The following AKAP9 variants were observed in gnomAD, a reference collection of about 807,000 sequenced individuals.
The protein encoded by AKAP9 is A-kinase anchor protein 9.
In AKAP9, 311 loss-of-function variants were observed where a neutral mutation model predicts 488.5. That is an observed-to-expected ratio of 0.64 (90% CI 0.58 to 0.70). The LOEUF (loss-of-function observed/expected upper bound fraction) is 0.70, where lower values mean the gene tolerates loss of function less well. Among genes scored for constraint, AKAP9 ranks in the 30% least tolerant of loss-of-function variants. The probability of loss-of-function intolerance (pLI) is 0.00; values close to 1 mark genes in which losing one functional copy is unlikely to be tolerated. For missense variants in AKAP9, 4,215 were observed against 4,374.5 expected (o/e 0.96, Z 1.03); for synonymous variants, 1,462 against 1,483.5 (o/e 0.99, Z 0.33).
chr7:92,095,878 A>G (rs911112618), intron 40 of AKAP9, among the ~76,000 whole-genome samples: 1 of 152,190 alleles, frequency 6.6e-6, no homozygotes, highest in African/African-American at 2.4e-5. Context: ...CTAGGTACCA[A>G]TTATAGTTTT....
chr7:92,062,026 A>G (rs1266854388), intron 23 of AKAP9, among the ~76,000 whole-genome samples: 1 of 152,208 alleles, frequency 6.6e-6, no homozygotes, highest in Non-Finnish European at 1.5e-5. Context: ...TTGGTATAGC[A>G]AAGTATTAGA....
At chr7:92,065,128 C>A in intron 24 of AKAP9, 103 bp from the exon 25 acceptor site, 1 of 659,370 alleles carries the variant, frequency 1.5e-6, no homozygotes. Context: ...AAATAATTCT[C>A]AGCCTTTCAT....
chr7:91,946,096 TG>T (rs1791421671), intron 1 of AKAP9, among the ~76,000 whole-genome samples: 1 of 152,200 alleles, frequency 6.6e-6, no homozygotes, highest in Admixed American at 6.5e-5. Context: ...AAAAAAAGGA[TG>T]GTGCTCCATG....
Position 92,012,511 on chromosome 7 carries a change from A to G in AKAP9, c.3401A>G (p.Tyr1134Cys), listed in dbSNP as rs761159568. Reference protein sequence around the residue: ...YSTHVDQVREYMENEKDKALC... With the variant: ...YSTHVDQVRECMENEKDKALC... ...ACTCATGTGGATCAGGTTCGTGAAT[A>G]TATGGAAAATGAAAAAGATAAAGCT... Residue 1134 changes from tyrosine to cysteine, a missense_variant, in exon 9 of 50, where the codon TAT becomes TGT. Transcript: ENST00000356239. 50 of 1,613,986 alleles carry G rather than the reference A, an allele frequency of 3.1e-5. No homozygotes were observed. Among genetic ancestry groups the G allele is most frequent in the South Asian group, 1.6e-4 (15 of 91,086 alleles).
chr7:91,946,765 A>T (rs776971732), intron 1 of AKAP9, among the ~76,000 whole-genome samples: 6 of 152,214 alleles, frequency 3.9e-5, no homozygotes, highest in Non-Finnish European at 7.4e-5. Flanking sequence ...TGAAAGTTGA[A>T]TGATAGCTCA....
At position 91,975,920 on chromosome 7, in the gene AKAP9, TG is replaced by T. The variant is rs1447026838; in HGVS notation, c.306+1953del. 2.0e-4 allele frequency among the ~76,000 whole-genome samples: 26 copies of T among 131,632 alleles called. 1 individual carries two copies. The highest frequency in any genetic ancestry group is 7.3e-4 in the South Asian group (3 of 4,128). The allele number at this position is 131,632 out of a possible 152,430, so 86.4% of individuals were successfully genotyped here. A position where few individuals can be genotyped will look rare whatever the true frequency, so the allele number is the denominator to read the frequency against. On this transcript the variant is annotated intron_variant, in intron 2 of 49. Coordinates refer to ENST00000356239, the MANE Select transcript of AKAP9 (RefSeq NM_005751.5). ...TTTATTGGTTTGTTTTTTGTTTGTT[TG>T]TTTGTTTTTTTTTTTTTTGAGACAA...
At chr7:91,981,644 C>G (rs921658311) in intron 3 of AKAP9, among the ~76,000 whole-genome samples, 2 of 129,654 alleles carry the variant, frequency 1.5e-5, no homozygotes, top group Non-Finnish European at 1.6e-5. Context: ...GAGTCTCACT[C>G]TGTTGCCCAG....
chr7:91,995,006 T>C (rs1798212786), intron 6 of AKAP9, among the ~76,000 whole-genome samples: 1 of 152,206 alleles, frequency 6.6e-6, no homozygotes, highest in Non-Finnish European at 1.5e-5. Context: ...TTTTGAAATC[T>C]TACAAATTGT....
Position 91,992,227 on chromosome 7 carries a change from C to G in AKAP9, c.405+16C>G, listed in dbSNP as rs1240937712. The G allele has an allele frequency of 1.0e-5, 16 of 1,573,356 alleles. No homozygotes were observed. The highest frequency in any genetic ancestry group is 1.4e-5 in the African/African-American group (1 of 74,070). ...TTTATTAAGGGTACAGTATTTAAAA[C>G]TACTTGTGATACTAATGTTGGATAC... On this transcript the variant is annotated intron_variant, in intron 4 of 49. Transcript: ENST00000356239.
intron 1 of AKAP9, among the ~76,000 whole-genome samples, chr7:91,959,482 CT>C (rs1562896955): frequency 6.6e-6 from 1 of 150,994 alleles, no homozygotes; most frequent in Non-Finnish European, 1.5e-5. Flanking sequence ...AAAAAATTTA[CT>C]TTTTTAAGAG....
chr7:91,969,071 T>A (rs1209155987), intron 1 of AKAP9, among the ~76,000 whole-genome samples: 1 of 151,844 alleles, frequency 6.6e-6, no homozygotes, highest in East Asian at 1.9e-4. Context: ...GAGACCAACC[T>A]GGGCAACAAA....
intron 45 of AKAP9, among the ~76,000 whole-genome samples, chr7:92,101,680 A>T (rs1241513973): frequency 6.6e-6 from 1 of 152,214 alleles, no homozygotes; most frequent in Non-Finnish European, 1.5e-5. Flanking sequence ...TACTATTGTC[A>T]ATGTAAGAAC....
At chr7:92,065,557 G>T in intron 25 of AKAP9, 94 bp downstream of exon 25, 1 of 916,940 alleles carries the variant, frequency 1.1e-6, no homozygotes. Flanking sequence ...AAAGACTGTT[G>T]AGTTAGTTTT....
chr7:92,080,609 A>AG (rs931374306), intron 31 of AKAP9, among the ~76,000 whole-genome samples: 3 of 151,280 alleles, frequency 2.0e-5, no homozygotes, highest in African/African-American at 7.4e-5. Context: ...CAAAAAAAAA[A>AG]AAGAAGAAGA....
intron 49 of AKAP9, 94 bp from the exon 50 acceptor site, chr7:92,110,028 A>T: frequency 1.0e-6 from 1 of 956,364 alleles, no homozygotes; most frequent in Non-Finnish European, 1.7e-6. Context: ...AAAATGGAGA[A>T]TAATAATAAT....
Position 92,081,491 on chromosome 7 carries a change from A to AT in AKAP9, c.8020-1030dup, listed in dbSNP as rs1461709427. On this transcript the variant is annotated intron_variant, in intron 31 of 49. Transcript: ENST00000356239. ...GGCTAATTTATATATATATATATAT[A>AT]TATATATTTTTTTTTTTTTAGTAGA... 2.2e-3 allele frequency among the ~76,000 whole-genome samples: 257 copies of AT among 118,168 alleles called. 1 individual carries two copies. The highest frequency in any genetic ancestry group is 7.1e-3 in the African/African-American group (195 of 27,606). The allele number at this position is 118,168 out of a possible 152,430, so 77.5% of individuals were successfully genotyped here. A position where few individuals can be genotyped will look rare whatever the true frequency, so the allele number is the denominator to read the frequency against.
intron 2 of AKAP9, among the ~76,000 whole-genome samples, chr7:91,975,700 T>G (rs1320058723): frequency 6.6e-6 from 1 of 152,192 alleles, no homozygotes; most frequent in South Asian, 2.1e-4. Flanking sequence ...CTTGTATTAT[T>G]TCTCCTAATA....
chr7:92,100,270 A>G (rs923600378), intron 44 of AKAP9, among the ~76,000 whole-genome samples: 1 of 152,214 alleles, frequency 6.6e-6, no homozygotes, highest in Non-Finnish European at 1.5e-5. Context: ...ATTATTAGTT[A>G]TTGTGTTGAT....
At chr7:92,050,642 C>G (rs1018257570) in intron 21 of AKAP9, among the ~76,000 whole-genome samples, 4 of 152,150 alleles carry the variant, frequency 2.6e-5, no homozygotes, top group African/African-American at 9.7e-5. Context: ...TTATGATATA[C>G]AGAGACTTCA....
Sources: gnomAD v4.1 joint callset for allele counts (sites outside exome capture counted in the v4.1 genomes callset) on GRCh38, gnomAD v4.1.1 for gene constraint, MANE v1.5 for transcripts, NCBI Gene and HGNC (gene_info 2026-07-23, HGNC 2026-07-21) for gene names.